The following EFHD2 variants were observed in gnomAD, a reference collection of about 807,000 sequenced individuals.
EFHD2 encodes the protein EF-hand domain family member D2.
Under a neutral mutation model 20.3 loss-of-function variants are expected in EFHD2, and 12 were observed. That is an observed-to-expected ratio of 0.59 (90% CI 0.38 to 0.96). The LOEUF (loss-of-function observed/expected upper bound fraction) is 0.96, where lower values mean the gene tolerates loss of function less well. Ranked by LOEUF, EFHD2 falls within the 40% of genes least tolerant of loss-of-function variation. EFHD2 has a pLI of 0.00. For missense variants in EFHD2, 250 were observed against 334.3 expected (o/e 0.75, Z 1.97); for synonymous variants, 131 against 143.9 (o/e 0.91, Z 0.64).
chr1:15,423,215 T>A (rs2103277857), intron 1 of EFHD2, among the ~76,000 whole-genome samples: 1 of 152,318 alleles, frequency 6.6e-6, no homozygotes, highest in South Asian at 2.1e-4. Flanking sequence ...CCTGACCCTC[T>A]GAGTCCCACA....
Position 15,426,018 on chromosome 1 carries a change from G to A in EFHD2, c.456G>A (p.Glu152=), listed in dbSNP as rs756488963. Residue 152 remains glutamate, a splice_region_variant and synonymous_variant, in exon 2 of 4, where the codon GAG becomes GAA. Coordinates refer to ENST00000375980, the MANE Select transcript of EFHD2 (RefSeq NM_024329.6). The surrounding 1 kb of genome is among the most constrained non-coding windows in gnomAD (Gnocchi z 4.6). Reference sequence around the variant, plus strand: ...TTGACAGCAAGCTGAGCTTCCGGGAGGTAAGCCCGGCCCCCAGCCCCACTC... The same window carrying A: ...TTGACAGCAAGCTGAGCTTCCGGGAAGTAAGCCCGGCCCCCAGCCCCACTC... ...EDFDSKLSFR[E]FLLIFRKAAA... 1.3e-6 allele frequency: 2 copies of A among 1,576,722 alleles called. No individual in the cohort carries two copies. The highest frequency in any genetic ancestry group is 2.4e-5 in the East Asian group (1 of 42,016).
At chr1:15,411,360 G>C (rs1224217734) in intron 1 of EFHD2, among the ~76,000 whole-genome samples, 3 of 151,992 alleles carry the variant, frequency 2.0e-5, no homozygotes, top group African/African-American at 7.3e-5. Flanking sequence ...ACCCCCAGGC[G>C]TGTGGGCTCA....
At chr1:15,425,211 C>A (rs1262757870) in intron 1 of EFHD2, among the ~76,000 whole-genome samples, 1 of 152,072 alleles carries the variant, frequency 6.6e-6, no homozygotes, top group Admixed American at 6.5e-5. Context: ...AGAGCCTGAT[C>A]CACCCTGCCG....
intron 1 of EFHD2, among the ~76,000 whole-genome samples, chr1:15,424,776 C>T (rs570449899): frequency 9.8e-5 from 15 of 152,300 alleles, no homozygotes; most frequent in African/African-American, 3.6e-4. Context: ...TTTTTAACCT[C>T]CTTCCCAGTA....
Position 15,410,333 on chromosome 1 carries a change from C to A in EFHD2, c.308+54C>A. 3 of 1,496,680 alleles carry A rather than the reference C, an allele frequency of 2.0e-6. No homozygotes were observed. In the East Asian group the frequency reaches 8.4e-5, roughly 42 times the overall value. The allele number at this position is 1,496,680 out of a possible 1,614,324, so 92.7% of individuals were successfully genotyped here. On this transcript the variant is annotated intron_variant, in intron 1 of 3. Coordinates refer to ENST00000375980, the MANE Select transcript of EFHD2 (RefSeq NM_024329.6). ...CCCGCCCCGCGACCCGGTCTCGGGC[C>A]CCGAACCCCCCGATCCCCGGATCCC... is the stretch of plus-strand genomic sequence containing the variant.
chr1:15,414,831 C>A (rs1707628434), intron 1 of EFHD2, among the ~76,000 whole-genome samples: 1 of 152,162 alleles, frequency 6.6e-6, no homozygotes, highest in Admixed American at 6.5e-5. Flanking sequence ...TTCATTATCA[C>A]CTAGTTTCAG....
intron 2 of EFHD2, 67 bp from the exon 3 acceptor site, chr1:15,427,083 G>A (rs564925716): frequency 5.9e-5 from 92 of 1,570,238 alleles, no homozygotes; most frequent in Non-Finnish European, 7.3e-5. Context: ...GCCTGGGTGC[G>A]GCCAGGGACT....
At chr1:15,428,089 T>A in intron 3 of EFHD2, 1 of 435,320 alleles carries the variant, frequency 2.3e-6, no homozygotes, top group Non-Finnish European at 4.8e-6. Flanking sequence ...AAACTGAGGC[T>A]CAGGAAGGTG....
At position 15,409,928 on chromosome 1, in the gene EFHD2, C is replaced by G; in HGVS notation, c.-44C>G. On this transcript the variant is annotated 5_prime_UTR_variant, in exon 1 of 4. Coordinates refer to ENST00000375980, the MANE Select transcript of EFHD2 (RefSeq NM_024329.6). ...GAAGAGCGCGGCCGGCGGCGCTGCG[C>G]TGAGAGCAGGGGCCCGGCCAAGGCG... is the stretch of plus-strand genomic sequence containing the variant. The G allele has an allele frequency of 8.3e-7, 1 of 1,208,662 alleles. No homozygotes were observed. The highest frequency in any genetic ancestry group is 1.0e-6 in the Non-Finnish European group (1 of 975,062). 74.9% of individuals were successfully genotyped at this position (1,208,662 alleles called of 1,614,324 possible). A position where few individuals can be genotyped will look rare whatever the true frequency, so the allele number is the denominator to read the frequency against.
chr1:15,418,597 A>G (rs12028882), intron 1 of EFHD2, among the ~76,000 whole-genome samples: 123 of 151,792 alleles, frequency 8.1e-4, no homozygotes, highest in East Asian at 6.4e-3. Flanking sequence ...GAGCCACGGC[A>G]CCCGGCCGCA....
Position 15,410,092 on chromosome 1 carries a change from C to T in EFHD2, c.121C>T (p.Pro41Ser), listed in dbSNP as rs1023080879. The change falls in exon 1 of 4, where the codon CCC becomes TCC. Residue 41 changes from proline to serine, a missense_variant. Around this residue, in one of 3 missense-constraint regions of EFHD2, gnomAD observed 143 missense variants for 190.6 expected, o/e 0.75. Transcript: ENST00000375980. ...NGAAAAAAGA[P>S]DEAAEALGSA... ...GGCAGCGGCGGCGGCGGCGGGGGCA[C>T]CCGACGAGGCGGCCGAGGCGCTGGG... is the stretch of plus-strand genomic sequence containing the variant. 7.7e-6 allele frequency: 11 copies of T among 1,437,078 alleles called. No individual in the cohort carries two copies. The African/African-American group carries it at 1.5e-4, about 20-fold the overall frequency. 89.0% of individuals were successfully genotyped at this position (1,437,078 alleles called of 1,614,324 possible).
In EFHD2 at chr1:15,428,667, G is replaced by A. The variant is rs749841289; in HGVS notation, c.666G>A (p.Ala222=). Residue 222 remains alanine (A), a synonymous_variant, in exon 4 of 4, where the codon GCG becomes GCA. Transcript: ENST00000375980. ...AGCAGGAGGAAAGGAAGAAGCAGGC[G>A]GAGGAGATGAAGCAGCGGAAAGCGG... is the stretch of plus-strand genomic sequence containing the variant. The part of the protein sequence containing the change: ...KAEQEERKKQ[A]EEMKQRKAAF... 1.5e-5 allele frequency: 24 copies of A among 1,607,934 alleles called. No individual in the cohort carries two copies. Among genetic ancestry groups the A allele is most frequent in the East Asian group, 4.5e-5 (2 of 44,734 alleles).
In EFHD2 at chr1:15,425,891, G is replaced by C; in HGVS notation, c.329G>C (p.Gly110Ala). 1 of 1,606,934 alleles carries C rather than the reference G, an allele frequency of 6.2e-7. No individual in the cohort carries two copies. The highest frequency in any genetic ancestry group is 8.5e-7 in the Non-Finnish European group (1 of 1,177,048). ...TGCAGGTATGATGCCGGGCGGGACG[G>C]CTTCATCGACCTGATGGAGCTAAAA... Reference protein sequence around the residue: ...MFKQYDAGRDGFIDLMELKLM... With the variant: ...MFKQYDAGRDAFIDLMELKLM... The change falls in exon 2 of 4, where the codon GGC (glycine) becomes GCC (alanine). Residue 110 changes from glycine to alanine, a missense_variant. This residue lies in a region of EFHD2 where 143 missense variants were observed against 190.6 expected (regional missense o/e 0.75). Coordinates refer to ENST00000375980, the MANE Select transcript of EFHD2 (RefSeq NM_024329.6).
At chr1:15,417,144 T>C (rs1707684625) in intron 1 of EFHD2, among the ~76,000 whole-genome samples, 1 of 152,132 alleles carries the variant, frequency 6.6e-6, no homozygotes, top group African/African-American at 2.4e-5. Flanking sequence ...TCACCAGGTG[T>C]GCACACTGAC....
At chr1:15,427,773 C>T in intron 3 of EFHD2, 6 of 385,108 alleles carry the variant, frequency 1.6e-5, no homozygotes, top group Non-Finnish European at 3.2e-5. Flanking sequence ...GGGTCCTGCC[C>T]ACCCGGGGCC....
At chr1:15,414,052 AG>A (rs1707602131) in intron 1 of EFHD2, among the ~76,000 whole-genome samples, 1 of 152,214 alleles carries the variant, frequency 6.6e-6, no homozygotes, top group Non-Finnish European at 1.5e-5. Context: ...ACAACAGCCT[AG>A]CGGGGGCTCT....
chr1:15,418,935 C>T (rs915648925), intron 1 of EFHD2, among the ~76,000 whole-genome samples: 2 of 152,238 alleles, frequency 1.3e-5, no homozygotes, highest in East Asian at 3.8e-4. Flanking sequence ...ATGTTCATGC[C>T]GCTTCATAGG....
chr1:15,427,974 C>A (rs74054713), intron 3 of EFHD2: 1 of 470,992 alleles, frequency 2.1e-6, no homozygotes, highest in Non-Finnish European at 4.4e-6. Flanking sequence ...CGACTCCCTT[C>A]GAGCGCCCTT....
At chr1:15,411,972 G>A (rs997163172) in intron 1 of EFHD2, among the ~76,000 whole-genome samples, 4 of 152,108 alleles carry the variant, frequency 2.6e-5, no homozygotes, top group Non-Finnish European at 4.4e-5. Flanking sequence ...TCCCAGTTGC[G>A]GGTGGCTGAG....
Sources: gnomAD v4.1 joint callset for allele counts (sites outside exome capture counted in the v4.1 genomes callset) on GRCh38, gnomAD v4.1.1 for gene constraint, gnomAD v4.1.1 regional missense constraint, Gnocchi (gnomAD v3.1) non-coding constraint, MANE v1.5 for transcripts, NCBI Gene and HGNC (gene_info 2026-07-23, HGNC 2026-07-21) for gene names.